The following EHBP1 variants were observed in gnomAD, a reference collection of about 807,000 sequenced individuals.
EHBP1 encodes the protein EH domain-binding protein 1.
In EHBP1, 55 loss-of-function variants were observed where a neutral mutation model predicts 144.0. The ratio of observed to expected loss-of-function variants is 0.38; its 90% CI spans 0.31 to 0.48. EHBP1 has a LOEUF of 0.48. EHBP1 is among the 20% of genes least tolerant of loss of function. EHBP1 has a pLI of 0.98. For synonymous variants in EHBP1, 469 were observed against 472.7 expected (o/e 0.99, Z 0.10); for missense variants, 1,200 against 1,364.2 (o/e 0.88, Z 1.90).
chr2:62,987,276 A>G (rs894502180), intron 15 of EHBP1, among the ~76,000 whole-genome samples: 1 of 152,182 alleles, frequency 6.6e-6, no homozygotes, highest in Non-Finnish European at 1.5e-5. Flanking sequence ...GATATAAAAA[A>G]TTATGTAAGA....
chr2:62,932,945 C>G (rs2056115800), intron 10 of EHBP1, among the ~76,000 whole-genome samples: 2 of 142,212 alleles, frequency 1.4e-5, no homozygotes, highest in Admixed American at 1.4e-4. Context: ...GAGTGAGACT[C>G]CATCTCAAAA....
intron 1 of EHBP1, among the ~76,000 whole-genome samples, chr2:62,685,869 C>T (rs370191335): frequency 6.6e-6 from 1 of 152,110 alleles, no homozygotes; most frequent in Non-Finnish European, 1.5e-5. Flanking sequence ...GATATAAAAC[C>T]AGAATCTTCA....
At chr2:62,873,557 G>C (rs1326642332) in intron 9 of EHBP1, among the ~76,000 whole-genome samples, 1 of 152,082 alleles carries the variant, frequency 6.6e-6, no homozygotes, top group Non-Finnish European at 1.5e-5. Context: ...GGCTATCAAA[G>C]AGATAAAGGC....
chr2:62,806,602 A>AG (rs2044507557), intron 5 of EHBP1, among the ~76,000 whole-genome samples: 1 of 152,092 alleles, frequency 6.6e-6, no homozygotes, highest in Non-Finnish European at 1.5e-5. Context: ...GGTTCAAGCA[A>AG]TCCTCTTGCC....
At chr2:62,970,212 A>C (rs2058433978) in intron 14 of EHBP1, among the ~76,000 whole-genome samples, 1 of 151,900 alleles carries the variant, frequency 6.6e-6, no homozygotes, top group East Asian at 1.9e-4. Context: ...AATTTCATGG[A>C]CCATTTTGAG....
intron 6 of EHBP1, among the ~76,000 whole-genome samples, chr2:62,828,872 T>C (rs1488085967): frequency 2.0e-5 from 3 of 152,228 alleles, no homozygotes; most frequent in Non-Finnish European, 4.4e-5. Flanking sequence ...GGTTCACACC[T>C]GTAATCCCAA....
At chr2:62,722,890 T>C (rs1305760061) in intron 2 of EHBP1, among the ~76,000 whole-genome samples, 6 of 152,248 alleles carry the variant, frequency 3.9e-5, no homozygotes, top group Non-Finnish European at 8.8e-5. Flanking sequence ...ATGATTTCAG[T>C]TCTTTTGCTC....
At chr2:62,823,907 A>G (rs2046161786) in intron 5 of EHBP1, among the ~76,000 whole-genome samples, 2 of 152,032 alleles carry the variant, frequency 1.3e-5, no homozygotes, top group Admixed American at 6.6e-5. Flanking sequence ...GCTCTAGTCT[A>G]CTCATCTGCC....
chr2:62,917,644 G>A (rs1317534339), intron 10 of EHBP1, among the ~76,000 whole-genome samples: 1 of 152,056 alleles, frequency 6.6e-6, no homozygotes, highest in African/African-American at 2.4e-5. Context: ...ATATGATTTA[G>A]TTATATTAAA....
intron 2 of EHBP1, among the ~76,000 whole-genome samples, chr2:62,718,387 CA>C (rs1162902133): frequency 6.6e-6 from 1 of 152,202 alleles, no homozygotes; most frequent in Non-Finnish European, 1.5e-5. Context: ...AGCCACATTT[CA>C]AATGCTCACT....
rs370191335 is a variant in EHBP1 at position 62,685,869 on chromosome 2, C to G, written c.-296+11786C>G. 4.9e-4 allele frequency among the ~76,000 whole-genome samples: 74 copies of G among 152,226 alleles called. 1 individual carries two copies. The highest frequency in any genetic ancestry group is 1.8e-3 in the African/African-American group (73 of 41,542). ...TCCTGATTACTAATGGATATAAAACCAGAATCTTCAGCTTGAATGATTTAT... is the reference window on the plus strand; with the variant it reads ...TCCTGATTACTAATGGATATAAAACGAGAATCTTCAGCTTGAATGATTTAT... On this transcript the variant is annotated intron_variant, in intron 1 of 22. Transcript: ENST00000405015.
chr2:62,780,741 C>T (rs752196071), intron 5 of EHBP1, among the ~76,000 whole-genome samples: 3 of 152,142 alleles, frequency 2.0e-5, no homozygotes, highest in Non-Finnish European at 4.4e-5. Context: ...ATAAAAATTA[C>T]ATGCCAGATA....
chr2:62,819,066 A>G (rs995713698), intron 5 of EHBP1, among the ~76,000 whole-genome samples: 1 of 152,196 alleles, frequency 6.6e-6, no homozygotes, highest in Non-Finnish European at 1.5e-5. Flanking sequence ...AAGGAAAATC[A>G]TAGGCCTATA....
intron 2 of EHBP1, among the ~76,000 whole-genome samples, chr2:62,729,996 G>A (rs2037352086): frequency 6.6e-6 from 1 of 152,088 alleles, no homozygotes; most frequent in African/African-American, 2.4e-5. Flanking sequence ...TTGCTATAGA[G>A]AGAGTCACAC....
intron 2 of EHBP1, among the ~76,000 whole-genome samples, chr2:62,731,090 TG>T (rs1186818853): frequency 6.6e-6 from 1 of 151,764 alleles, no homozygotes; most frequent in African/African-American, 2.4e-5. Context: ...CTTGGATTTT[TG>T]TAATTTTTTT....
At chr2:62,763,881 G>C (rs1220584961) in intron 3 of EHBP1, among the ~76,000 whole-genome samples, 1 of 152,006 alleles carries the variant, frequency 6.6e-6, no homozygotes, top group Non-Finnish European at 1.5e-5. Flanking sequence ...TTGTCTTAAA[G>C]TTCCTAGTCC....
At chr2:63,005,733 A>G (rs1245666359) in intron 19 of EHBP1, among the ~76,000 whole-genome samples, 1 of 152,026 alleles carries the variant, frequency 6.6e-6, no homozygotes, top group Admixed American at 6.6e-5. Context: ...GTTATCTATA[A>G]TTGGTATTAA....
chr2:62,846,585 G>A (rs897904124), intron 7 of EHBP1, among the ~76,000 whole-genome samples: 5 of 152,108 alleles, frequency 3.3e-5, no homozygotes, highest in Non-Finnish European at 5.9e-5. Flanking sequence ...TGGGAACAAG[G>A]CAAGGATGTT....
At chr2:63,028,153 A>G (rs1396511299) in intron 19 of EHBP1, among the ~76,000 whole-genome samples, 1 of 152,238 alleles carries the variant, frequency 6.6e-6, no homozygotes, top group Non-Finnish European at 1.5e-5. Flanking sequence ...TGTAATCCAT[A>G]TGTTCATTAC....
Sources: gnomAD v4.1 joint callset for allele counts (sites outside exome capture counted in the v4.1 genomes callset) on GRCh38, gnomAD v4.1.1 for gene constraint, MANE v1.5 for transcripts, NCBI Gene and HGNC (gene_info 2026-07-23, HGNC 2026-07-21) for gene names.